Variants in SLC4A4 observed in about 807,000 individuals in gnomAD.
The protein encoded by SLC4A4 is electrogenic sodium bicarbonate cotransporter 1.
SLC4A4 carries 27 observed loss-of-function variants against 111.5 expected under a neutral mutation model. That is an observed-to-expected ratio of 0.24 (90% CI 0.18 to 0.33). The LOEUF (loss-of-function observed/expected upper bound fraction) is 0.33. Ranked by LOEUF, SLC4A4 falls within the 10% of genes least tolerant of loss-of-function variation. The pLI, the probability that SLC4A4 is intolerant of heterozygous loss-of-function variation, is 1.00. For synonymous variants in SLC4A4, 443 were observed against 463.4 expected (o/e 0.96, Z 0.57); for missense variants, 909 against 1,315.5 (o/e 0.69, Z 4.78).
chr4:71,389,553 C>T (rs1381437752), intron 6 of SLC4A4, among the ~76,000 whole-genome samples: 2 of 152,170 alleles, frequency 1.3e-5, no homozygotes, highest in African/African-American at 2.4e-5. Context: ...CTCTGCTCAA[C>T]GACAGGCTTT....
At chr4:71,264,111 C>G (rs1367679873) in intron 3 of SLC4A4, among the ~76,000 whole-genome samples, 1 of 151,934 alleles carries the variant, frequency 6.6e-6, no homozygotes, top group Admixed American at 6.6e-5. Context: ...ATATGTGTAT[C>G]TGGGATAGAT....
At chr4:71,406,042 A>G (rs76085941) in intron 7 of SLC4A4, among the ~76,000 whole-genome samples, 1 of 151,210 alleles carries the variant, frequency 6.6e-6, no homozygotes, top group Admixed American at 6.6e-5. Flanking sequence ...AAATGGCTTC[A>G]TCTCAAGAGC....
At chr4:71,116,943 CA>C (rs112257014) in intron 2 of SLC4A4, among the ~76,000 whole-genome samples, 19,899 of 116,296 alleles carry the variant, frequency 0.17, 1,388 homozygotes, top group East Asian at 0.34. Context: ...AACTCCATCT[CA>C]AAAAAAAAAA....
At chr4:71,268,707 TG>T (rs1468624012) in intron 3 of SLC4A4, among the ~76,000 whole-genome samples, 1 of 152,204 alleles carries the variant, frequency 6.6e-6, no homozygotes, top group African/African-American at 2.4e-5. Flanking sequence ...TGTAATAAAA[TG>T]TTTCTCAGAG....
chr4:71,123,182 G>T (rs1743480491), intron 2 of SLC4A4, among the ~76,000 whole-genome samples: 1 of 152,144 alleles, frequency 6.6e-6, no homozygotes, highest in African/African-American at 2.4e-5. Flanking sequence ...GGTGTTCCAG[G>T]AAGAGAGAAA....
chr4:71,570,475 A>G lies in SLC4A4; in HGVS notation c.*2724A>G, dbSNP rs1259571565. ...GAGGTTTACCTAGTGACACCAAATT[A>G]TCGGTATTTTAACTGAATTTACCCA... On this transcript the variant is annotated 3_prime_UTR_variant, in exon 26 of 26. Coordinates refer to ENST00000264485, the MANE Select transcript of SLC4A4 (RefSeq NM_001098484.3). 6.6e-6 allele frequency: 1 copy of G among 152,220 alleles called. No homozygotes were observed. Among genetic ancestry groups the G allele is most frequent in the African/African-American group, 2.4e-5 (1 of 41,384 alleles). The allele number at this position is 152,220 out of a possible 1,614,324, so 9.4% of individuals were successfully genotyped here. A position where few individuals can be genotyped will look rare whatever the true frequency, so the allele number is the denominator to read the frequency against.
chr4:71,072,982 G>T (rs1191558846), intron 1 of SLC4A4, among the ~76,000 whole-genome samples: 1 of 151,826 alleles, frequency 6.6e-6, no homozygotes, highest in Non-Finnish European at 1.5e-5. Flanking sequence ...ACGGGGTTTC[G>T]CCATGAACTC....
intron 7 of SLC4A4, among the ~76,000 whole-genome samples, chr4:71,416,515 A>G (rs1267868381): frequency 6.6e-6 from 1 of 152,166 alleles, no homozygotes; most frequent in Non-Finnish European, 1.5e-5. Flanking sequence ...AGTAACTGAA[A>G]CTGCAGAAGC....
At chr4:71,219,989 C>T (rs1442097760) in intron 1 of SLC4A4, among the ~76,000 whole-genome samples, 1 of 152,168 alleles carries the variant, frequency 6.6e-6, no homozygotes, top group African/African-American at 2.4e-5. Context: ...ATGCTGTGAA[C>T]ATTGTTGACA....
chr4:71,207,027 A>G (rs1717812947), intron 1 of SLC4A4, among the ~76,000 whole-genome samples: 2 of 152,170 alleles, frequency 1.3e-5, no homozygotes, highest in African/African-American at 4.8e-5. Flanking sequence ...TAAAATAAGC[A>G]TAATGGTACT....
intron 2 of SLC4A4, among the ~76,000 whole-genome samples, chr4:71,243,370 A>G (rs932173348): frequency 6.6e-6 from 1 of 152,180 alleles, no homozygotes; most frequent in Admixed American, 6.5e-5. Context: ...TCTAACCTGA[A>G]CTAAATATTT....
rs1044387999 is a variant in SLC4A4, at chr4:71,082,374, A to G, written c.-64-10356A>G. ...CTATAGAACACTCTATCCTCTCACC[A>G]TCTTCCTTGTCTTCCTACTCTCAAC... On this transcript the variant is annotated intron_variant, in intron 1 of 26. Transcript: ENST00000649996. Among the ~76,000 whole-genome samples, 6 of 151,842 alleles carry G rather than the reference A, an allele frequency of 4.0e-5. No homozygotes were observed. The South Asian group carries it at 6.2e-4, about 16-fold the overall frequency.
At chr4:71,078,686 G>A (rs1343301782) in intron 1 of SLC4A4, among the ~76,000 whole-genome samples, 3 of 152,130 alleles carry the variant, frequency 2.0e-5, no homozygotes, top group African/African-American at 7.2e-5. Flanking sequence ...TCTAGCTCCC[G>A]TAGAACCCCA....
At chr4:71,153,563 G>C (rs534113334) in intron 2 of SLC4A4, among the ~76,000 whole-genome samples, 1 of 152,202 alleles carries the variant, frequency 6.6e-6, no homozygotes, top group Non-Finnish European at 1.5e-5. Context: ...GTAAAATGAA[G>C]GGTTCTAAAA....
chr4:71,207,495 A>C (rs1717841011), intron 1 of SLC4A4, among the ~76,000 whole-genome samples: 1 of 152,240 alleles, frequency 6.6e-6, no homozygotes. Context: ...ATGATTTCCC[A>C]ACATTTGGTG....
intron 12 of SLC4A4, among the ~76,000 whole-genome samples, chr4:71,454,115 G>A: frequency 6.6e-6 from 1 of 152,084 alleles, no homozygotes; most frequent in Admixed American, 6.5e-5. Flanking sequence ...TCAAAGTTGG[G>A]TTTGCATGTT....
intron 2 of SLC4A4, among the ~76,000 whole-genome samples, chr4:71,098,904 C>G (rs747813985): frequency 1.6e-4 from 24 of 152,172 alleles, no homozygotes; most frequent in Non-Finnish European, 2.8e-4. Flanking sequence ...AACAAGAAAA[C>G]CTTACTACCC....
intron 6 of SLC4A4, among the ~76,000 whole-genome samples, chr4:71,384,642 CAA>C (rs773419796): frequency 6.0e-4 from 37 of 61,394 alleles, no homozygotes; most frequent in Middle Eastern, 0.012. Flanking sequence ...TCCCTCCCAC[CAA>C]AAAAAAAAAA....
At chr4:71,130,993 T>A (rs1743686154) in intron 2 of SLC4A4, among the ~76,000 whole-genome samples, 2 of 152,318 alleles carry the variant, frequency 1.3e-5, no homozygotes, top group South Asian at 4.1e-4. Flanking sequence ...GTGCTGAGAA[T>A]GTAATCCCCA....
Sources: allele counts gnomAD v4.1 joint callset (sites outside exome capture counted in the v4.1 genomes callset), GRCh38; gene constraint gnomAD v4.1.1; transcripts MANE v1.5; gene names NCBI Gene and HGNC (gene_info 2026-07-23, HGNC 2026-07-21).